The following CERT1 variants were observed in gnomAD, a reference collection of about 807,000 sequenced individuals.
CERT1 encodes the protein ceramide transporter 1.
Under a neutral mutation model 87.9 loss-of-function variants are expected in CERT1, and 31 were observed. The observed-to-expected ratio is 0.35, with a 90% CI of 0.27 to 0.48. CERT1 has a LOEUF of 0.48. Among genes scored for constraint, CERT1 ranks in the 20% least tolerant of loss-of-function variants. The probability of loss-of-function intolerance (pLI) is 0.99; values close to 1 mark genes in which losing one functional copy is unlikely to be tolerated. For synonymous variants in CERT1, 289 were observed against 250.9 expected (o/e 1.15, Z -1.44); for missense variants, 487 against 758.0 (o/e 0.64, Z 4.20).
At chr5:75,480,490 C>T (rs1766184285) in intron 2 of CERT1, among the ~76,000 whole-genome samples, 1 of 152,162 alleles carries the variant, frequency 6.6e-6, no homozygotes, top group African/African-American at 2.4e-5. Context: ...CTGAAGCAAT[C>T]GTCAATGCTG....
At chr5:75,499,468 C>T (rs1767241598) in intron 2 of CERT1, among the ~76,000 whole-genome samples, 1 of 152,128 alleles carries the variant, frequency 6.6e-6, no homozygotes, top group Non-Finnish European at 1.5e-5. Context: ...GCCTGGTTTG[C>T]ATTCTCTCTC....
intron 2 of CERT1, among the ~76,000 whole-genome samples, chr5:75,474,979 G>A (rs1485637817): frequency 2.0e-5 from 3 of 151,770 alleles, no homozygotes; most frequent in Admixed American, 1.3e-4. Flanking sequence ...GACACAATGA[G>A]GACTGAGGTG....
intron 2 of CERT1, among the ~76,000 whole-genome samples, chr5:75,494,549 T>A (rs2112438672): frequency 6.6e-6 from 1 of 152,296 alleles, no homozygotes; most frequent in South Asian, 2.1e-4. Context: ...AGGTCCAGTG[T>A]GGGGAGGAAA....
At chr5:75,454,641 C>T (rs1764897856) in intron 3 of CERT1, among the ~76,000 whole-genome samples, 1 of 152,172 alleles carries the variant, frequency 6.6e-6, no homozygotes, top group Admixed American at 6.6e-5. Flanking sequence ...AGAGTAGTGG[C>T]TGGCCATCTG....
At chr5:75,501,952 G>A (rs567269992) in intron 2 of CERT1, among the ~76,000 whole-genome samples, 122 of 152,094 alleles carry the variant, frequency 8.0e-4, no homozygotes, top group Admixed American at 3.5e-3. Flanking sequence ...TACAGAAGCC[G>A]TAATAAAAGA....
intron 3 of CERT1, among the ~76,000 whole-genome samples, chr5:75,454,527 C>T (rs755132533): frequency 1.3e-5 from 2 of 152,154 alleles, no homozygotes; most frequent in Non-Finnish European, 2.9e-5. Flanking sequence ...GCAGAGACAA[C>T]CTGCAACATC....
At chr5:75,500,741 CCTT>C (rs1356649954) in intron 2 of CERT1, among the ~76,000 whole-genome samples, 2 of 152,040 alleles carry the variant, frequency 1.3e-5, no homozygotes, top group Non-Finnish European at 2.9e-5. Context: ...TGAGAAAAGG[CCTT>C]CTTCTTGGAT....
intron 3 of CERT1, among the ~76,000 whole-genome samples, chr5:75,435,843 T>TG (rs1296704630): frequency 3.3e-5 from 5 of 152,110 alleles, no homozygotes; most frequent in Non-Finnish European, 7.4e-5. Context: ...TGGGGACTGC[T>TG]GGCAAAAGCA....
At chr5:75,398,087 A>G (rs182984282) in intron 11 of CERT1, among the ~76,000 whole-genome samples, 55 of 152,298 alleles carry the variant, frequency 3.6e-4, no homozygotes, top group Admixed American at 7.2e-4. Context: ...ATACTGTGGT[A>G]TATTTGGTTA....
intron 16 of CERT1, 125 bp from the exon 17 acceptor site, chr5:75,379,598 T>TC: frequency 2.2e-6 from 2 of 908,802 alleles, no homozygotes; most frequent in Non-Finnish European, 3.3e-6. Context: ...CTTTTTTTTT[T>TC]CTTTTTGAGA....
intron 11 of CERT1, among the ~76,000 whole-genome samples, chr5:75,392,121 AAC>A (rs1762046462): frequency 6.6e-6 from 1 of 152,208 alleles, no homozygotes; most frequent in African/African-American, 2.4e-5. Context: ...TCCAAAAGAA[AAC>A]AGATTCCACA....
intron 2 of CERT1, among the ~76,000 whole-genome samples, chr5:75,471,292 G>T (rs1404500875): frequency 6.6e-6 from 1 of 152,086 alleles, no homozygotes; most frequent in Non-Finnish European, 1.5e-5. Context: ...CTACAAACCT[G>T]GACAGCATGT....
rs534529574 is a variant in CERT1 at position 75,379,119 on chromosome 5, T to A, written c.*227A>T. The A allele has an allele frequency of 9.5e-6, 4 of 421,922 alleles. No homozygotes were observed. In the South Asian group the frequency reaches 1.4e-4, roughly 15 times the overall value. The allele number at this position is 421,922 out of a possible 1,614,324, so 26.1% of individuals were successfully genotyped here. On this transcript the variant is annotated 3_prime_UTR_variant, in exon 17 of 17. Coordinates refer to ENST00000643780, the MANE Select transcript of CERT1 (RefSeq NM_001379029.1). ...GATTGTTTGAGGCCAGAGGTTGAGG[T>A]TGCAGTGAGCCGTGATGGTGTCATT...
intron 11 of CERT1, among the ~76,000 whole-genome samples, chr5:75,396,226 T>C (rs1025006391): frequency 1.3e-5 from 2 of 152,190 alleles, no homozygotes; most frequent in East Asian, 3.8e-4. Flanking sequence ...AGAAACTAGA[T>C]ATGGTATCTG....
At chr5:75,498,988 A>C (rs1288959116) in intron 2 of CERT1, among the ~76,000 whole-genome samples, 2 of 152,230 alleles carry the variant, frequency 1.3e-5, no homozygotes, top group African/African-American at 4.8e-5. Flanking sequence ...GTGGGAGCCC[A>C]CCTCTTGCAT....
chr5:75,379,588 C>T, intron 16 of CERT1, 115 bp from the exon 17 acceptor site: 1 of 865,490 alleles, frequency 1.2e-6, no homozygotes, highest in East Asian at 3.0e-5. Flanking sequence ...CAATTAGCAT[C>T]TTTTTTTTTT....
intron 5 of CERT1, among the ~76,000 whole-genome samples, chr5:75,421,205 A>T (rs1436302418): frequency 1.3e-5 from 2 of 152,228 alleles, no homozygotes; most frequent in Non-Finnish European, 2.9e-5. Flanking sequence ...TTTTTACATC[A>T]GGAGCACCGT....
intron 3 of CERT1, among the ~76,000 whole-genome samples, chr5:75,436,013 C>T (rs967220580): frequency 3.3e-5 from 5 of 152,058 alleles, no homozygotes; most frequent in African/African-American, 1.2e-4. Flanking sequence ...GCTGGGGCAG[C>T]GGCAGGTCCC....
At chr5:75,483,452 G>A (rs1004052611) in intron 2 of CERT1, among the ~76,000 whole-genome samples, 7 of 152,068 alleles carry the variant, frequency 4.6e-5, no homozygotes, top group Admixed American at 1.3e-4. Flanking sequence ...TGAGGTGAAG[G>A]TAGAAAGTTT....
Sources: gnomAD v4.1 joint callset for allele counts (sites outside exome capture counted in the v4.1 genomes callset) on GRCh38, gnomAD v4.1.1 for gene constraint, MANE v1.5 for transcripts, NCBI Gene and HGNC (gene_info 2026-07-23, HGNC 2026-07-21) for gene names.